Variants in DOK6 observed in about 807,000 individuals in gnomAD.
DOK6 encodes downstream of tyrosine kinase 6.
A neutral mutation model predicts 44.0 loss-of-function variants in DOK6; 22 were observed. The observed-to-expected ratio is 0.50, with a 90% CI of 0.36 to 0.71. The LOEUF (loss-of-function observed/expected upper bound fraction) is 0.71. Ranked by LOEUF, DOK6 falls within the 30% of genes least tolerant of loss-of-function variation. The pLI is 0.00. For missense variants in DOK6, 340 were observed against 416.4 expected (o/e 0.82, Z 1.60); for synonymous variants, 166 against 145.5 (o/e 1.14, Z -1.01).
intron 3 of DOK6, among the ~76,000 whole-genome samples, chr18:69,648,189 T>C (rs1985133724): frequency 6.6e-6 from 1 of 152,180 alleles, no homozygotes; most frequent in South Asian, 2.1e-4. Context: ...ATATTTTAGC[T>C]CCCTATAGTT....
chr18:69,787,644 T>C (rs1445393750), intron 7 of DOK6, among the ~76,000 whole-genome samples: 1 of 152,138 alleles, frequency 6.6e-6, no homozygotes, highest in Admixed American at 6.6e-5. Flanking sequence ...GATATTCCAT[T>C]ATGACCAGAA....
intron 1 of DOK6, among the ~76,000 whole-genome samples, chr18:69,511,977 A>G (rs2144556920): frequency 6.6e-6 from 1 of 152,260 alleles, no homozygotes; most frequent in African/African-American, 2.4e-5. Context: ...TGATAATATC[A>G]GTTGGATTAT....
Position 69,618,543 on chromosome 18 carries a change from C to T in DOK6, c.289+19045C>T, listed in dbSNP as rs143758123. On this transcript the variant is annotated intron_variant, in intron 3 of 7. Coordinates refer to ENST00000382713, the MANE Select transcript of DOK6 (RefSeq NM_152721.6). ...AAGAAAAAGAGGTTTAATGGACTCA[C>T]GGTTCCACGTGGCTGGAGAGGCCTC... The T allele has an allele frequency of 9.9e-5, 16 of 161,912 alleles. No individual in the cohort carries two copies. In the East Asian group the frequency reaches 2.3e-3, roughly 24 times the overall value. 10.0% of individuals were successfully genotyped at this position (161,912 alleles called of 1,614,324 possible).
rs187651852 is a variant in DOK6 at position 69,430,672 on chromosome 18, A to G, written c.66+29362A>G. Among the ~76,000 whole-genome samples, 18 of 152,280 alleles carry G rather than the reference A, an allele frequency of 1.2e-4. No homozygotes were observed. The East Asian group carries it at 3.5e-3, about 29-fold the overall frequency. On this transcript the variant is annotated intron_variant, in intron 1 of 7. Coordinates refer to ENST00000382713, the MANE Select transcript of DOK6 (RefSeq NM_152721.6). ...TTTATAGGAATTTTTTTCCCGCTTG[A>G]AAATAGATTACTGGCCGGGCACGGT...
chr18:69,828,432 C>A (rs2145130286), intron 7 of DOK6, among the ~76,000 whole-genome samples: 1 of 151,838 alleles, frequency 6.6e-6, no homozygotes, highest in South Asian at 2.1e-4. Flanking sequence ...AAAGAGATCG[C>A]AGTTGTAGAA....
rs1982347138 is a variant in DOK6 at position 69,846,490 on chromosome 18, T to C, written c.*5107T>C. 6.6e-6 allele frequency: 1 copy of C among 152,210 alleles called. No homozygotes were observed. The highest frequency in any genetic ancestry group is 6.5e-5 in the Admixed American group (1 of 15,276). The allele number at this position is 152,210 out of a possible 1,614,324, so 9.4% of individuals were successfully genotyped here. A position where few individuals can be genotyped will look rare whatever the true frequency, so the allele number is the denominator to read the frequency against. On this transcript the variant is annotated 3_prime_UTR_variant, in exon 8 of 8. Coordinates refer to ENST00000382713, the MANE Select transcript of DOK6 (RefSeq NM_152721.6). ...GATTTTCAGATGCCTCTACTCTTGC[T>C]GAACTCATCACCAGCTGTATCAGTA...
At chr18:69,522,336 C>T (rs927515399) in intron 1 of DOK6, among the ~76,000 whole-genome samples, 36 of 151,900 alleles carry the variant, frequency 2.4e-4, no homozygotes, top group Non-Finnish European at 4.9e-4. Context: ...CACAATAAAG[C>T]TTTATTTGGA....
chr18:69,526,705 G>A (rs750166127), intron 1 of DOK6, among the ~76,000 whole-genome samples: 14 of 152,092 alleles, frequency 9.2e-5, no homozygotes, highest in Non-Finnish European at 1.8e-4. Context: ...TACTTAGTGT[G>A]ATTTCAGTTC....
rs527362307 is a variant in DOK6 at position 69,654,832 on chromosome 18, G to A, written c.290-22902G>A. Among the ~76,000 whole-genome samples, 11 of 152,192 alleles carry A rather than the reference G, an allele frequency of 7.2e-5. No individual in the cohort carries two copies. The South Asian group carries it at 2.3e-3, about 32-fold the overall frequency. ...CAGTACTTTGGGAGGTGGAGATGGT[G>A]GATCACTTGAGTCCAGGAGTTCAAG... On this transcript the variant is annotated intron_variant, in intron 3 of 7. Transcript: ENST00000382713.
chr18:69,748,358 C>T lies in DOK6; in HGVS notation c.738+9255C>T, dbSNP rs147713821. ...CCGAGACAGAAACTTAAGATATTCA[C>T]GACTTGAACTCAGCTCTGGATCAAG... On this transcript the variant is annotated intron_variant, in intron 6 of 7. Transcript: ENST00000382713. 5.2e-3 allele frequency among the ~76,000 whole-genome samples: 797 copies of T among 152,050 alleles called. 4 individuals carry two copies. Among genetic ancestry groups the T allele is most frequent in the African/African-American group, 0.017 (704 of 41,440 alleles).
At chr18:69,825,473 T>C (rs1981714806) in intron 7 of DOK6, among the ~76,000 whole-genome samples, 1 of 139,924 alleles carries the variant, frequency 7.1e-6, no homozygotes, top group African/African-American at 2.7e-5. Context: ...TCTTGCTCTG[T>C]CACCCAGACT....
chr18:69,608,117 C>T (rs920244659), intron 3 of DOK6, among the ~76,000 whole-genome samples: 1 of 151,930 alleles, frequency 6.6e-6, no homozygotes, highest in Non-Finnish European at 1.5e-5. Flanking sequence ...AAAAGGAACC[C>T]TCAGTTCAAG....
At chr18:69,638,807 A>C (rs1015849621) in intron 3 of DOK6, among the ~76,000 whole-genome samples, 3 of 152,216 alleles carry the variant, frequency 2.0e-5, no homozygotes, top group Non-Finnish European at 4.4e-5. Flanking sequence ...GTTAATGTAC[A>C]CTGTATATAA....
chr18:69,681,555 C>T (rs990286665), intron 4 of DOK6, among the ~76,000 whole-genome samples: 1 of 151,376 alleles, frequency 6.6e-6, no homozygotes, highest in African/African-American at 2.4e-5. Flanking sequence ...CATAAACAGA[C>T]ACACACACAC....
chr18:69,610,949 G>A (rs916637613), intron 3 of DOK6, among the ~76,000 whole-genome samples: 2 of 151,846 alleles, frequency 1.3e-5, no homozygotes, highest in Admixed American at 1.3e-4. Context: ...CATATTTAAA[G>A]GAAACAGAGA....
intron 1 of DOK6, among the ~76,000 whole-genome samples, chr18:69,471,125 T>C (rs1212511729): frequency 2.0e-5 from 3 of 149,142 alleles, no homozygotes; most frequent in African/African-American, 7.3e-5. Flanking sequence ...GGCATATGCC[T>C]GTAATCCCAG....
chr18:69,471,087 T>G (rs1300867392), intron 1 of DOK6, among the ~76,000 whole-genome samples: 1 of 151,516 alleles, frequency 6.6e-6, no homozygotes, highest in Non-Finnish European at 1.5e-5. Flanking sequence ...CTGACTCTAC[T>G]AAAAATACAA....
intron 5 of DOK6, among the ~76,000 whole-genome samples, chr18:69,710,898 A>G (rs1169144399): frequency 6.6e-6 from 1 of 152,212 alleles, no homozygotes; most frequent in African/African-American, 2.4e-5. Flanking sequence ...CACCTGACCC[A>G]AGCAAGGCTG....
intron 3 of DOK6, among the ~76,000 whole-genome samples, chr18:69,621,524 G>C (rs1332468570): frequency 6.6e-6 from 1 of 152,182 alleles, no homozygotes; most frequent in Non-Finnish European, 1.5e-5. Context: ...AGGGATGACT[G>C]AGGAAGTTGA....
Sources: gnomAD v4.1 joint callset for allele counts (sites outside exome capture counted in the v4.1 genomes callset) on GRCh38, gnomAD v4.1.1 for gene constraint, MANE v1.5 for transcripts, NCBI Gene and HGNC (gene_info 2026-07-23, HGNC 2026-07-21) for gene names.